The following GSE1 variants were observed in gnomAD, a reference collection of about 807,000 sequenced individuals.
GSE1 encodes the protein genetic suppressor element 1.
GSE1 carries 32 observed loss-of-function variants against 112.6 expected under a neutral mutation model. The ratio of observed to expected loss-of-function variants is 0.28; its 90% confidence interval spans 0.21 to 0.38. The LOEUF (loss-of-function observed/expected upper bound fraction) is 0.38, where lower values mean the gene tolerates loss of function less well. GSE1 is among the 10% of genes least tolerant of loss of function. The probability of loss-of-function intolerance (pLI) is 1.00; values close to 1 mark genes in which losing one functional copy is unlikely to be tolerated. For synonymous variants in GSE1, 1,115 were observed against 735.6 expected (o/e 1.52, Z -8.35); for missense variants, 2,348 against 1,699.2 (o/e 1.38, Z -6.71).
In GSE1 at chr16:85,215,020, CCCAGAGAAGAAAGAGCTGAGTGT is replaced by C. The variant is rs1362740684; in HGVS notation, c.2283+43220_2283+43242del. 3.3e-5 allele frequency among the ~76,000 whole-genome samples: 5 copies of C among 152,304 alleles called. No homozygotes were observed. In the East Asian group the frequency reaches 9.6e-4, roughly 29 times the overall value. ...CCAGGCGCAAGGCCCAGCTAGAGTG[CCCAGAGAAGAAAGAGCTGAGTGT>C]CCAGAGCCTTGGGGAGTAGGCCACC... On this transcript the variant is annotated intron_variant, in intron 1 of 2. Transcript: ENST00000637419.
upstream of GSE1, among the ~76,000 whole-genome samples, chr16:85,612,936 G>T (rs577068697): frequency 3.3e-5 from 5 of 152,332 alleles, no homozygotes; most frequent in East Asian, 1.9e-4. Context: ...TAAGTGGCCG[G>T]TCTTAGCCAC....
chr16:85,650,185 C>CA (rs2051216627), intron 3 of GSE1, among the ~76,000 whole-genome samples: 2 of 152,212 alleles, frequency 1.3e-5, no homozygotes, highest in South Asian at 4.1e-4. Context: ...GGGGCCTCCA[C>CA]ACCCCACAGG....
chr16:85,427,573 T>C (rs188573224), intron 2 of GSE1, among the ~76,000 whole-genome samples: 1 of 152,180 alleles, frequency 6.6e-6, no homozygotes, highest in East Asian at 1.9e-4. Context: ...ACTCGGGAGG[T>C]GGAGGTTGCA....
intron 8 of GSE1, among the ~76,000 whole-genome samples, chr16:85,658,112 C>T (rs1567742192): frequency 6.6e-6 from 1 of 152,212 alleles, no homozygotes; most frequent in African/African-American, 2.4e-5. Context: ...TCCCAGGAAA[C>T]TGTGTGGTGG....
chr16:85,530,765 C>A (rs1452282679), intron 2 of GSE1, among the ~76,000 whole-genome samples: 1 of 152,262 alleles, frequency 6.6e-6, no homozygotes, highest in Non-Finnish European at 1.5e-5. Flanking sequence ...TTACAGCCTG[C>A]ATGGCAGTTC....
chr16:85,403,129 G>C (rs976190270), intron 2 of GSE1, among the ~76,000 whole-genome samples: 1 of 152,140 alleles, frequency 6.6e-6, no homozygotes, highest in Non-Finnish European at 1.5e-5. Flanking sequence ...TGGGATAGAG[G>C]CCTCAGTTCC....
At chr16:85,582,660 C>T (rs1313832734) in intron 1 of GSE1, among the ~76,000 whole-genome samples, 1 of 152,176 alleles carries the variant, frequency 6.6e-6, no homozygotes, top group African/African-American at 2.4e-5. Flanking sequence ...GCCTGGAGCT[C>T]AGTCCTCCCC....
intron 1 of GSE1, among the ~76,000 whole-genome samples, chr16:85,313,371 T>C (rs1430453830): frequency 2.0e-5 from 3 of 152,146 alleles, no homozygotes; most frequent in Admixed American, 6.5e-5. Context: ...TGGGGAGGGC[T>C]GCCCCTGCCC....
chr16:85,652,519 A>G (rs1395556578), intron 3 of GSE1, among the ~76,000 whole-genome samples: 3 of 151,806 alleles, frequency 2.0e-5, no homozygotes, highest in African/African-American at 7.3e-5. Context: ...GGAAGGGAGC[A>G]GATGCTGCCT....
chr16:85,252,427 C>T (rs1027513426), intron 1 of GSE1, among the ~76,000 whole-genome samples: 4 of 152,168 alleles, frequency 2.6e-5, no homozygotes, highest in Non-Finnish European at 5.9e-5. Context: ...GAAATCAGCC[C>T]TAGACACTTT....
chr16:85,175,375 G>C (rs947343006), intron 1 of GSE1, among the ~76,000 whole-genome samples: 3 of 152,214 alleles, frequency 2.0e-5, no homozygotes. Context: ...TCCCAAGGAA[G>C]CTCTGTGAAA....
intron 1 of GSE1, among the ~76,000 whole-genome samples, chr16:85,335,235 G>A (rs1303072099): frequency 6.6e-6 from 1 of 152,250 alleles, no homozygotes; most frequent in Admixed American, 6.5e-5. Context: ...CCAGCTCTGA[G>A]CCCGGGGGTG....
intron 1 of GSE1, among the ~76,000 whole-genome samples, chr16:85,259,658 G>A (rs1221939834): frequency 5.3e-5 from 8 of 152,196 alleles, no homozygotes; most frequent in Non-Finnish European, 1.2e-4. Context: ...CCACACAGGT[G>A]GCAGAGGAGA....
At chr16:85,517,095 C>T (rs1447395504) in intron 2 of GSE1, among the ~76,000 whole-genome samples, 1 of 152,240 alleles carries the variant, frequency 6.6e-6, no homozygotes, top group Non-Finnish European at 1.5e-5. Flanking sequence ...CCGCGCCCGG[C>T]CATGTCTTGG....
intron 1 of GSE1, among the ~76,000 whole-genome samples, chr16:85,344,194 C>T (rs987500067): frequency 5.3e-5 from 8 of 152,086 alleles, no homozygotes; most frequent in African/African-American, 1.2e-4. Context: ...CAGCCCTGCC[C>T]GGCGGGGGAG....
At position 85,482,660 on chromosome 16, in the gene GSE1, A is replaced by C. The variant is rs150040389; in HGVS notation, c.2464+125017A>C. ...TACAGATCAGGCACCCCCGTCTGCAAATCCAGCATCCAAGGTGTTCCAAAA... is the reference window on the plus strand; with the variant it reads ...TACAGATCAGGCACCCCCGTCTGCACATCCAGCATCCAAGGTGTTCCAAAA... On this transcript the variant is annotated intron_variant, in intron 2 of 2. Transcript: ENST00000637419. Among the ~76,000 whole-genome samples, 306 of 152,294 alleles carry C rather than the reference A, an allele frequency of 2.0e-3. 2 individuals are homozygous for C. The highest frequency in any genetic ancestry group is 7.2e-3 in the African/African-American group (298 of 41,556).
At chr16:85,399,830 C>T (rs2048054688) in intron 2 of GSE1, among the ~76,000 whole-genome samples, 1 of 152,194 alleles carries the variant, frequency 6.6e-6, no homozygotes. Context: ...GGTGAGTGTT[C>T]CGTGAGTGCG....
intron 2 of GSE1, among the ~76,000 whole-genome samples, chr16:85,417,983 G>C (rs1233567234): frequency 6.6e-6 from 1 of 152,104 alleles, no homozygotes; most frequent in Non-Finnish European, 1.5e-5. Context: ...GGATTACAGG[G>C]GTCTGCCACC....
intron 1 of GSE1, among the ~76,000 whole-genome samples, chr16:85,264,466 T>C (rs1908029569): frequency 6.6e-6 from 1 of 152,024 alleles, no homozygotes; most frequent in African/African-American, 2.4e-5. Flanking sequence ...GATTTCACAT[T>C]GATTCCCCCA....
Sources: allele counts gnomAD v4.1 joint callset (sites outside exome capture counted in the v4.1 genomes callset), GRCh38; gene constraint gnomAD v4.1.1; transcripts MANE v1.5; gene names NCBI Gene and HGNC (gene_info 2026-07-23, HGNC 2026-07-21).